The following ANKAR variants were observed in gnomAD, a reference collection of about 807,000 sequenced individuals.
ANKAR encodes the protein ankyrin and armadillo repeat containing, also known as ankyrin and armadillo repeat-containing protein.
A neutral mutation model predicts 146.2 loss-of-function variants in ANKAR; 136 were observed. The ratio of observed to expected loss-of-function variants is 0.93; its 90% confidence interval spans 0.81 to 1.07. The LOEUF is 1.07. Among genes scored for constraint, ANKAR ranks in the 50% least tolerant of loss-of-function variants. The probability of loss-of-function intolerance (pLI) is 0.00; values close to 1 mark genes in which losing one functional copy is unlikely to be tolerated. For missense variants in ANKAR, 1,567 were observed against 1,679.9 expected (o/e 0.93, Z 1.18); for synonymous variants, 500 against 575.8 (o/e 0.87, Z 1.88).
chr2:189,759,921 A>G (rs1225113), intron 18 of ANKAR, among the ~76,000 whole-genome samples: 149,410 of 152,222 alleles, frequency 0.98, 73,385 homozygotes, highest in East Asian at 1. Flanking sequence ...TGCAGTGTTT[A>G]TGTCCCTGGG....
At chr2:189,700,933 C>T (rs2037971625) in intron 7 of ANKAR, among the ~76,000 whole-genome samples, 1 of 152,198 alleles carries the variant, frequency 6.6e-6, no homozygotes, top group African/African-American at 2.4e-5. Flanking sequence ...TCTCTATCCA[C>T]TCATCTATTG....
chr2:189,738,430 C>T (rs1207941815), intron 18 of ANKAR, 135 bp from the exon 19 acceptor site: 3 of 578,824 alleles, frequency 5.2e-6, no homozygotes, highest in East Asian at 2.9e-5. Flanking sequence ...CATGCTGCTT[C>T]TATTGAATCC....
chr2:189,741,778 G>T (rs899945549), intron 20 of ANKAR, among the ~76,000 whole-genome samples: 2 of 151,974 alleles, frequency 1.3e-5, no homozygotes, highest in African/African-American at 4.8e-5. Flanking sequence ...TACAATTAAA[G>T]ATTTAAAAAG....
chr2:189,685,118 G>A (rs987169607), intron 2 of ANKAR, among the ~76,000 whole-genome samples: 1 of 151,876 alleles, frequency 6.6e-6, no homozygotes, highest in Non-Finnish European at 1.5e-5. Flanking sequence ...TGATCTTCCT[G>A]CCTCAGCCTC....
Position 189,744,750 on chromosome 2 carries a change from AG to A in ANKAR, c.4020del (p.Asn1341MetfsTer6). ...AAATGTTTTCCTTTTAGTCTGGAGA[AG>A]AATGGAGGACCATCCATAATTCCTA... ...LVGLPSLSLE[K>X]NGGPSIIPIF... On this transcript the variant is annotated frameshift_variant, in exon 22 of 23. Transcript: ENST00000684021. LOFTEE classifies it high-confidence loss of function. The A allele has an allele frequency of 6.3e-7, 1 of 1,593,830 alleles. No individual in the cohort carries two copies. The highest frequency in any genetic ancestry group is 8.6e-7 in the Non-Finnish European group (1 of 1,164,910).
intron 16 of ANKAR, 38 bp from the exon 17 acceptor site, chr2:189,733,069 C>G: frequency 1.9e-6 from 3 of 1,575,340 alleles, no homozygotes; most frequent in Non-Finnish European, 2.6e-6. Context: ...TTTCATAAAG[C>G]ATAATTGAAA....
chr2:189,686,547 C>G (rs776081202), intron 2 of ANKAR, among the ~76,000 whole-genome samples: 7 of 151,934 alleles, frequency 4.6e-5, no homozygotes. Flanking sequence ...TTATGCATGT[C>G]TAGCTTCTTA....
rs1042379082 is a variant in ANKAR, at chr2:189,730,488, C to A, written c.3194-7C>A. 2.6e-6 allele frequency: 4 copies of A among 1,552,208 alleles called. No homozygotes were observed. Among genetic ancestry groups the A allele is most frequent in the Non-Finnish European group, 3.5e-6 (4 of 1,136,384 alleles). On this transcript the variant is annotated splice_region_variant and splice_polypyrimidine_tract_variant and intron_variant, in intron 15 of 22. Transcript: ENST00000684021. Reference sequence around the variant, plus strand: ...AAATATTACCTCACTGGCGTGGACTCTTACAGGTGTAGCCCATACAAGCAA... The same window carrying A: ...AAATATTACCTCACTGGCGTGGACTATTACAGGTGTAGCCCATACAAGCAA...
intron 12 of ANKAR, among the ~76,000 whole-genome samples, chr2:189,723,125 AT>A (rs1217065013): frequency 1.3e-5 from 2 of 152,150 alleles, no homozygotes; most frequent in Non-Finnish European, 2.9e-5. Flanking sequence ...CATATTATTA[AT>A]TCCAGTGTCT....
chr2:189,738,770 G>A (rs565617932), intron 19 of ANKAR, 88 bp downstream of exon 19: 125 of 767,422 alleles, frequency 1.6e-4, no homozygotes, highest in Admixed American at 4.1e-4. Flanking sequence ...AAAATAATAC[G>A]CCTGATACAC....
chr2:189,761,533 A>G (rs1161462324), downstream of ANKAR: 4 of 1,612,430 alleles, frequency 2.5e-6, no homozygotes, highest in East Asian at 2.2e-5. Context: ...ATACTATTTT[A>G]TGAAGAAATA....
In ANKAR at chr2:189,705,012, A is replaced by C; in HGVS notation, c.1709-11A>C. ...GCTGTGATCACTGAAGTAATTGTCC[A>C]TCCATTCTAGGTCCAACACCTCTAC... On this transcript the variant is annotated splice_polypyrimidine_tract_variant and intron_variant, in intron 7 of 22. Coordinates refer to ENST00000684021, the MANE Select transcript of ANKAR (RefSeq NM_001378068.1). The C allele has an allele frequency of 6.2e-7, 1 of 1,613,372 alleles. No individual in the cohort carries two copies. Among genetic ancestry groups the C allele is most frequent in the Non-Finnish European group, 8.5e-7 (1 of 1,179,480 alleles).
Position 189,720,600 on chromosome 2 carries a change from T to C in ANKAR, c.2467-19T>C. 7.6e-7 allele frequency: 1 copy of C among 1,316,772 alleles called. No individual in the cohort carries two copies. The highest frequency in any genetic ancestry group is 9.9e-7 in the Non-Finnish European group (1 of 1,013,786). 81.6% of individuals were successfully genotyped at this position (1,316,772 alleles called of 1,614,324 possible). The stretch of plus-strand genomic sequence containing the variant: ...TATCTTAAACAAATTCAAATGTAAT[T>C]TTTTTTGTTTATTTTTAGAATGGAA... On this transcript the variant is annotated intron_variant, in intron 11 of 22. Coordinates refer to ENST00000684021, the MANE Select transcript of ANKAR (RefSeq NM_001378068.1).
chr2:189,698,649 G>A (rs1286756648), intron 7 of ANKAR, among the ~76,000 whole-genome samples: 2 of 152,212 alleles, frequency 1.3e-5, no homozygotes, highest in African/African-American at 4.8e-5. Flanking sequence ...ATTGTCAAGG[G>A]GGAGGGGATA....
chr2:189,705,376 GA>G (rs756955779), intron 8 of ANKAR, 152 bp downstream of exon 8: 40 of 768,528 alleles, frequency 5.2e-5, no homozygotes, highest in South Asian at 4.0e-4. Context: ...TGGGTGATCT[GA>G]AAGGTATGTA....
At chr2:189,712,738 G>T (rs1334544368) in intron 10 of ANKAR, among the ~76,000 whole-genome samples, 2 of 152,176 alleles carry the variant, frequency 1.3e-5, no homozygotes, top group Non-Finnish European at 2.9e-5. Context: ...ACAGCTCCTT[G>T]CCAGCAACAG....
Position 189,705,085 on chromosome 2 carries a change from T to C in ANKAR, c.1771T>C (p.Cys591Arg), listed in dbSNP as rs372701557. ...ATTAGAAACAACAGTTTGTCTACTG[T>C]GTTCCAAAGCTGATTACACGCTTTC... ...CSLETTVCLL[C>R]SKADYTLSEK... Residue 591 changes from cysteine (C) to arginine (R), a missense_variant, in exon 8 of 23, where the codon TGT (cysteine) becomes CGT (arginine). Coordinates refer to ENST00000684021, the MANE Select transcript of ANKAR (RefSeq NM_001378068.1). 2 of 1,614,014 alleles carry C rather than the reference T, an allele frequency of 1.2e-6. No individual in the cohort carries two copies. The highest frequency in any genetic ancestry group is 1.7e-6 in the Non-Finnish European group (2 of 1,180,008).
chr2:189,694,186 C>T (rs117241628), intron 5 of ANKAR, among the ~76,000 whole-genome samples: 4,881 of 152,098 alleles, frequency 0.032, 100 homozygotes, highest in South Asian at 0.069. Flanking sequence ...CCCGTGATTG[C>T]GCCACTGCAC....
chr2:189,737,455 T>C (rs1033692493), intron 17 of ANKAR, among the ~76,000 whole-genome samples: 2 of 152,224 alleles, frequency 1.3e-5, no homozygotes, highest in African/African-American at 4.8e-5. Flanking sequence ...TGGAATGCAA[T>C]AGATAACATG....
Sources: gnomAD v4.1 joint callset for allele counts (sites outside exome capture counted in the v4.1 genomes callset) on GRCh38, gnomAD v4.1.1 for gene constraint, MANE v1.5 for transcripts, NCBI Gene and HGNC (gene_info 2026-07-23, HGNC 2026-07-21) for gene names.